The following CTNNA3 variants were observed in gnomAD, a reference collection of about 807,000 sequenced individuals.
CTNNA3 encodes the protein catenin alpha-3.
Under a neutral mutation model 95.7 loss-of-function variants are expected in CTNNA3, and 76 were observed. That is an observed-to-expected ratio of 0.79 (90% CI 0.66 to 0.96). CTNNA3 has a LOEUF of 0.96. Among genes scored for constraint, CTNNA3 ranks in the 40% least tolerant of loss-of-function variants. CTNNA3 has a pLI of 0.00. For synonymous variants in CTNNA3, 431 were observed against 374.4 expected (o/e 1.15, Z -1.74); for missense variants, 1,191 against 1,089.8 (o/e 1.09, Z -1.31).
chr10:66,578,610 G>A (rs1422520387), intron 10 of CTNNA3, among the ~76,000 whole-genome samples: 2 of 151,856 alleles, frequency 1.3e-5, no homozygotes, highest in Non-Finnish European at 2.9e-5. Context: ...TTTATATGGT[G>A]AATCACATGT....
rs369223710 is a variant in CTNNA3 at position 66,674,130 on chromosome 10, G to T, written c.1282-52346C>A. 2.1e-4 allele frequency among the ~76,000 whole-genome samples: 32 copies of T among 151,910 alleles called. No homozygotes were observed. In the South Asian group the frequency reaches 6.6e-3, roughly 32 times the overall value. The stretch of plus-strand genomic sequence containing the variant: ...TCTATTCTTATAAGATTTATGTATT[G>T]GGTGTTAGTGCCAAGATTCTCTAAT... On this transcript the variant is annotated intron_variant, in intron 9 of 17. Transcript: ENST00000433211.
chr10:65,935,055 TAA>T (rs1554817297), intron 17 of CTNNA3, among the ~76,000 whole-genome samples: 1 of 152,098 alleles, frequency 6.6e-6, no homozygotes, highest in Non-Finnish European at 1.5e-5. Context: ...GCTGAAATGA[TAA>T]GACATGTACA....
In CTNNA3 at chr10:67,567,022, G is replaced by A. The variant is rs578030690; in HGVS notation, c.293-27353C>T. Among the ~76,000 whole-genome samples the A allele has an allele frequency of 7.0e-5, 8 of 114,062 alleles. No homozygotes were observed. In the East Asian group the frequency reaches 2.3e-3, roughly 33 times the overall value. The allele number at this position is 114,062 out of a possible 152,430, so 74.8% of individuals were successfully genotyped here. ...AACATCACACTCTGGGGACTGTTTTGGGGTGGGGGGAGGGGGGAGGGATAG... is the reference window on the plus strand; with the variant it reads ...AACATCACACTCTGGGGACTGTTTTAGGGTGGGGGGAGGGGGGAGGGATAG... On this transcript the variant is annotated intron_variant, in intron 3 of 17. Coordinates refer to ENST00000433211, the MANE Select transcript of CTNNA3 (RefSeq NM_013266.4).
chr10:67,250,074 A>C (rs1448626172), intron 5 of CTNNA3, among the ~76,000 whole-genome samples: 2 of 152,072 alleles, frequency 1.3e-5, no homozygotes, highest in African/African-American at 2.4e-5. Context: ...CTATTGTTGC[A>C]TTTTTATTTT....
At chr10:67,050,452 A>T (rs2133182168) in intron 7 of CTNNA3, among the ~76,000 whole-genome samples, 1 of 152,352 alleles carries the variant, frequency 6.6e-6, no homozygotes, top group Non-Finnish European at 1.5e-5. Context: ...GAAAAGAAAA[A>T]AAAAGTACCC....
At chr10:67,193,356 C>A (rs914579684) in intron 6 of CTNNA3, among the ~76,000 whole-genome samples, 5 of 151,928 alleles carry the variant, frequency 3.3e-5, no homozygotes, top group African/African-American at 1.2e-4. Context: ...ACATAATTTT[C>A]CTAAACCTTT....
chr10:65,983,649 C>T (rs1471614804), intron 16 of CTNNA3, among the ~76,000 whole-genome samples: 1 of 151,376 alleles, frequency 6.6e-6, no homozygotes, highest in Non-Finnish European at 1.5e-5. Flanking sequence ...AAAATTTGTG[C>T]TAAAATTCTA....
intron 7 of CTNNA3, among the ~76,000 whole-genome samples, chr10:66,954,135 T>C (rs957085712): frequency 3.0e-4 from 45 of 152,310 alleles, no homozygotes; most frequent in African/African-American, 7.5e-4. Flanking sequence ...CAGCCTCTTC[T>C]AAACATAAAA....
chr10:65,916,116 G>C lies in CTNNA3; in HGVS notation c.*4214C>G, dbSNP rs1291862565. 6.6e-6 allele frequency: 1 copy of C among 151,922 alleles called. No individual in the cohort carries two copies. The highest frequency in any genetic ancestry group is 1.5e-5 in the Non-Finnish European group (1 of 67,950). 9.4% of individuals were successfully genotyped at this position (151,922 alleles called of 1,614,324 possible). ...AACATATCATAATGGTATGGGAAAAGAGTCATAAAGAAAAAAATGGAATTT... is the reference window on the plus strand; with the variant it reads ...AACATATCATAATGGTATGGGAAAACAGTCATAAAGAAAAAAATGGAATTT... On this transcript the variant is annotated 3_prime_UTR_variant, in exon 18 of 18. Coordinates refer to ENST00000433211, the MANE Select transcript of CTNNA3 (RefSeq NM_013266.4).
chr10:67,231,363 C>G (rs1184510007), intron 5 of CTNNA3, among the ~76,000 whole-genome samples: 2 of 152,238 alleles, frequency 1.3e-5, no homozygotes, highest in African/African-American at 4.8e-5. Flanking sequence ...GTGGGTCCCT[C>G]ACCCTTGACC....
intron 15 of CTNNA3, among the ~76,000 whole-genome samples, chr10:66,014,945 A>G (rs991882979): frequency 5.3e-5 from 8 of 152,034 alleles, no homozygotes; most frequent in African/African-American, 1.9e-4. Context: ...TCTACTAAAA[A>G]TACAAAAATT....
rs61552682 is a variant in CTNNA3, at chr10:67,545,073, G to GTT, written c.293-5406_293-5405dup. On this transcript the variant is annotated intron_variant, in intron 3 of 17. Transcript: ENST00000433211. ...AAAAATTTTTTCATAACTAATCTGT[G>GTT]TTTTTTTATTATTATACTTTAAGTT... Among the ~76,000 whole-genome samples the GTT allele has an allele frequency of 6.6e-5, 10 of 152,024 alleles. No individual in the cohort carries two copies. The South Asian group carries it at 8.3e-4, about 13-fold the overall frequency.
At chr10:66,349,029 A>G (rs890730093) in intron 12 of CTNNA3, among the ~76,000 whole-genome samples, 9 of 152,208 alleles carry the variant, frequency 5.9e-5, no homozygotes, top group Admixed American at 5.9e-4. Flanking sequence ...AACAAACAGA[A>G]AACGGAAAAG....
chr10:67,004,414 A>C (rs1851857135), intron 7 of CTNNA3, among the ~76,000 whole-genome samples: 1 of 152,236 alleles, frequency 6.6e-6, no homozygotes, highest in Non-Finnish European at 1.5e-5. Context: ...CCCTGTTAAA[A>C]TGATGACACA....
At chr10:67,326,271 A>G (rs1392315106) in intron 5 of CTNNA3, among the ~76,000 whole-genome samples, 1 of 152,186 alleles carries the variant, frequency 6.6e-6, no homozygotes, top group Non-Finnish European at 1.5e-5. Context: ...TGTCATCATG[A>G]CGTTACCTGG....
At chr10:67,483,815 G>T (rs548489254) in intron 5 of CTNNA3, among the ~76,000 whole-genome samples, 2 of 131,488 alleles carry the variant, frequency 1.5e-5, no homozygotes, top group African/African-American at 2.9e-5. Flanking sequence ...ACTGCTCAAA[G>T]AAATCAGAGA....
At chr10:67,391,131 C>A (rs949141761) in intron 5 of CTNNA3, among the ~76,000 whole-genome samples, 3 of 151,736 alleles carry the variant, frequency 2.0e-5, no homozygotes, top group African/African-American at 7.3e-5. Context: ...TGTTTGCAGA[C>A]GACATGATTG....
intron 7 of CTNNA3, among the ~76,000 whole-genome samples, chr10:66,952,509 C>A (rs765197709): frequency 6.6e-6 from 1 of 151,986 alleles, no homozygotes; most frequent in Non-Finnish European, 1.5e-5. Flanking sequence ...GATATCATAC[C>A]TAATGGAAAA....
At chr10:66,531,672 T>C (rs957872674) in intron 10 of CTNNA3, among the ~76,000 whole-genome samples, 1 of 152,164 alleles carries the variant, frequency 6.6e-6, no homozygotes, top group Non-Finnish European at 1.5e-5. Context: ...CATTTTAATA[T>C]TCCAATTTTT....
Sources: allele counts gnomAD v4.1 joint callset (sites outside exome capture counted in the v4.1 genomes callset), GRCh38; gene constraint gnomAD v4.1.1; transcripts MANE v1.5; gene names NCBI Gene and HGNC (gene_info 2026-07-23, HGNC 2026-07-21).